Variants in ATP11C observed in about 807,000 individuals in gnomAD.
ATP11C encodes the protein ATPase phospholipid transporting 11C (ATP11C blood group).
In ATP11C, 36 loss-of-function variants were observed where a neutral mutation model predicts 97.4. The observed-to-expected ratio is 0.37, with a 90% confidence interval of 0.28 to 0.49. The LOEUF (loss-of-function observed/expected upper bound fraction) is 0.49, where lower values mean the gene tolerates loss of function less well. Among genes scored for constraint, ATP11C ranks in the 20% least tolerant of loss-of-function variants. ATP11C has a pLI of 0.98. For missense variants in ATP11C, 730 were observed against 824.6 expected (o/e 0.89, Z 1.40); for synonymous variants, 275 against 290.9 (o/e 0.95, Z 0.56).
chrX:139,789,207 A>C, intron 13 of ATP11C, 120 bp downstream of exon 13: 3 of 572,470 alleles, frequency 5.2e-6, no homozygotes, highest in Non-Finnish European at 5.2e-6. Flanking sequence ...CATCTCAAAA[A>C]AAAAAAACAA....
chrX:139,753,659 T>A (rs1362306226), intron 23 of ATP11C, among the ~76,000 whole-genome samples: 1 of 110,774 alleles, frequency 9.0e-6, no homozygotes, highest in East Asian at 2.8e-4. Context: ...AATACAAAAA[T>A]TAGCCAGGTG....
chrX:139,798,783 T>G, intron 8 of ATP11C, 40 bp from the exon 9 acceptor site: 1 of 1,076,486 alleles, frequency 9.3e-7, no homozygotes, highest in Non-Finnish European at 1.3e-6. Context: ...AACAAGCCAA[T>G]AGCATCAACA....
chrX:139,763,952 A>C (rs974546086), intron 20 of ATP11C, among the ~76,000 whole-genome samples: 10 of 112,160 alleles, frequency 8.9e-5, no homozygotes, highest in African/African-American at 3.2e-4. Flanking sequence ...ATTAGAGGTC[A>C]ATACATTTCC....
At chrX:139,797,082 G>T in intron 11 of ATP11C, 94 bp downstream of exon 11, 1 of 795,027 alleles carries the variant, frequency 1.3e-6, no homozygotes. Context: ...AAATTCAGAA[G>T]CTAACAAAAG....
At chrX:139,911,470 T>C (rs947089099) in intron 1 of ATP11C, among the ~76,000 whole-genome samples, 19 of 111,914 alleles carry the variant, frequency 1.7e-4, no homozygotes, top group African/African-American at 5.8e-4. Context: ...ACTCAAACAA[T>C]AGCAAGTGTT....
chrX:139,753,690 C>A (rs191728795), intron 23 of ATP11C, among the ~76,000 whole-genome samples: 186 of 111,138 alleles, frequency 1.7e-3, no homozygotes, highest in African/African-American at 5.9e-3. Flanking sequence ...CACCTGTAAT[C>A]TCAGCTACTT....
At chrX:139,905,546 G>A (rs1286929386) in intron 1 of ATP11C, among the ~76,000 whole-genome samples, 1 of 111,734 alleles carries the variant, frequency 8.9e-6, no homozygotes, top group Non-Finnish European at 1.9e-5. Context: ...ACAAAAATAA[G>A]AAATCCCAAA....
chrX:139,866,364 A>AAC (rs2084286253), intron 1 of ATP11C, among the ~76,000 whole-genome samples: 1 of 104,303 alleles, frequency 9.6e-6, no homozygotes, highest in Non-Finnish European at 1.9e-5. Context: ...AAAAAAAAAA[A>AAC]AAACAGAAAA....
chrX:139,844,486 G>A (rs2083881731), intron 1 of ATP11C, among the ~76,000 whole-genome samples: 1 of 112,329 alleles, frequency 8.9e-6, no homozygotes, highest in Non-Finnish European at 1.9e-5. Flanking sequence ...GCAAGCAGTG[G>A]GAAGAAACCT....
At chrX:139,790,891 T>C (rs1447212490) in intron 12 of ATP11C, among the ~76,000 whole-genome samples, 1 of 111,934 alleles carries the variant, frequency 8.9e-6, no homozygotes, top group Non-Finnish European at 1.9e-5. Flanking sequence ...GCCACTAAGA[T>C]AAATCATTTT....
rs149566464 is a variant in ATP11C at position 139,814,556 on chromosome X, A to G, written c.426+322T>C. 5.7e-3 allele frequency among the ~76,000 whole-genome samples: 643 copies of G among 112,200 alleles called. 11 individuals carry two copies. The highest frequency in any genetic ancestry group is 0.019 in the African/African-American group (585 of 30,935). On this transcript the variant is annotated intron_variant, in intron 5 of 29. Transcript: ENST00000682941. ...ATCAAAAGGAATGAAATGCTGCTATATACTATAATGCAGATGAACCTCAAA... is the reference window on the plus strand; with the variant it reads ...ATCAAAAGGAATGAAATGCTGCTATGTACTATAATGCAGATGAACCTCAAA...
chrX:139,888,136 T>A (rs1165650226), intron 1 of ATP11C, among the ~76,000 whole-genome samples: 6 of 109,289 alleles, frequency 5.5e-5, no homozygotes, highest in African/African-American at 2.0e-4. Context: ...TAAAGCTGTA[T>A]AATTTTTTTT....
chrX:139,784,272 T>TACAACA (rs2082527183), intron 16 of ATP11C, among the ~76,000 whole-genome samples: 1 of 111,604 alleles, frequency 9.0e-6, no homozygotes, highest in Non-Finnish European at 1.9e-5. Context: ...ATGTTGTGTT[T>TACAACA]TTTTTTTCAT....
intron 1 of ATP11C, among the ~76,000 whole-genome samples, chrX:139,852,081 G>A (rs1195020507): frequency 1.8e-5 from 2 of 109,064 alleles, no homozygotes; most frequent in Non-Finnish European, 3.8e-5. Flanking sequence ...ACTGAGGTGG[G>A]AGAATCGCTT....
chrX:139,789,165 C>T (rs762370724), intron 13 of ATP11C, among the ~76,000 whole-genome samples, 162 bp downstream of exon 13: 3 of 108,198 alleles, frequency 2.8e-5, no homozygotes, highest in South Asian at 8.2e-4. Context: ...ATCATGCCAC[C>T]GTACTCCAGC....
At chrX:139,873,797 G>A (rs1353029237) in intron 1 of ATP11C, among the ~76,000 whole-genome samples, 5 of 105,624 alleles carry the variant, frequency 4.7e-5, no homozygotes, top group Non-Finnish European at 9.7e-5. Context: ...TAAGTAAATT[G>A]GCTTGTTTCT....
At chrX:139,929,654 AC>A (rs748811372) in intron 1 of ATP11C, among the ~76,000 whole-genome samples, 290 of 112,074 alleles carry the variant, frequency 2.6e-3, no homozygotes, top group African/African-American at 8.7e-3. Context: ...CACTAAAAAA[AC>A]AACTCATTTT....
chrX:139,818,078 A>G (rs1449025751), intron 3 of ATP11C, among the ~76,000 whole-genome samples: 2 of 111,334 alleles, frequency 1.8e-5, no homozygotes, highest in African/African-American at 6.5e-5. Context: ...CTATCCCTGA[A>G]ATACCAGTTC....
chrX:139,731,006 A>G (rs1376384837), intron 29 of ATP11C, among the ~76,000 whole-genome samples: 1 of 111,746 alleles, frequency 8.9e-6, no homozygotes, highest in East Asian at 2.8e-4. Context: ...TCATTAGGCA[A>G]GCATCCCCCT....
Sources: allele counts gnomAD v4.1 joint callset (sites outside exome capture counted in the v4.1 genomes callset), GRCh38; gene constraint gnomAD v4.1.1; transcripts MANE v1.5; gene names NCBI Gene and HGNC (gene_info 2026-07-23, HGNC 2026-07-21).